CRPPA: variants seen among roughly 807,000 people sequenced by gnomAD.
The protein encoded by CRPPA is D-ribitol-5-phosphate cytidylyltransferase.
CRPPA carries 43 observed loss-of-function variants against 52.0 expected under a neutral mutation model. The ratio of observed to expected loss-of-function variants is 0.83; its 90% CI spans 0.65 to 1.07. The LOEUF is 1.07. Ranked by LOEUF, CRPPA falls within the 50% of genes least tolerant of loss-of-function variation. The pLI, the probability that CRPPA is intolerant of heterozygous loss-of-function variation, is 0.00. For synonymous variants in CRPPA, 250 were observed against 203.5 expected (o/e 1.23, Z -1.94); for missense variants, 629 against 551.7 (o/e 1.14, Z -1.40).
intron 8 of CRPPA, among the ~76,000 whole-genome samples, chr7:16,234,318 T>C (rs896520508): frequency 2.6e-5 from 4 of 152,112 alleles, no homozygotes; most frequent in African/African-American, 9.7e-5. Flanking sequence ...AGGTTAATAC[T>C]ACTGTTCAGG....
intron 8 of CRPPA, among the ~76,000 whole-genome samples, chr7:16,244,101 TA>T (rs1562581101): frequency 6.6e-6 from 1 of 152,226 alleles, no homozygotes; most frequent in Admixed American, 6.5e-5. Context: ...ACTATTTTAA[TA>T]AGTATCTTAG....
intron 6 of CRPPA, among the ~76,000 whole-genome samples, chr7:16,275,032 T>C (rs1464436962): frequency 6.6e-6 from 1 of 152,012 alleles, no homozygotes; most frequent in African/African-American, 2.4e-5. Context: ...GCTGAGACCA[T>C]GCCACTGCAC....
chr7:16,349,608 G>A (rs910742949), intron 3 of CRPPA, among the ~76,000 whole-genome samples: 5 of 151,930 alleles, frequency 3.3e-5, no homozygotes, highest in African/African-American at 1.2e-4. Flanking sequence ...AGAAATTAAA[G>A]GTGAAGAAAA....
At chr7:16,209,339 G>C (rs957152206) in intron 9 of CRPPA, 7 of 165,238 alleles carry the variant, frequency 4.2e-5, no homozygotes, top group African/African-American at 1.8e-4. Context: ...TGGCAATCTC[G>C]GCTCACTGCA....
intron 9 of CRPPA, among the ~76,000 whole-genome samples, chr7:16,183,493 G>C (rs1781450211): frequency 6.6e-6 from 1 of 152,164 alleles, no homozygotes; most frequent in South Asian, 2.1e-4. Flanking sequence ...CTGTTACCAG[G>C]ATTAGCATTT....
At chr7:16,241,106 C>A (rs773492386) in intron 8 of CRPPA, among the ~76,000 whole-genome samples, 1 of 152,052 alleles carries the variant, frequency 6.6e-6, no homozygotes, top group Non-Finnish European at 1.5e-5. Flanking sequence ...CACTGGTGAG[C>A]TTTGGAACAT....
At position 16,308,570 on chromosome 7, in the gene CRPPA, A is replaced by G; in HGVS notation, c.742T>C (p.Cys248Arg). Residue 248 changes from cysteine to arginine, a missense_variant, in exon 4 of 10, where the codon TGT (cysteine) becomes CGT (arginine). Coordinates refer to ENST00000407010, the MANE Select transcript of CRPPA (RefSeq NM_001101426.4). ...TCTACAAGTTTGGCTTTAGTGCAAC[A>G]GTATTTTAGGGCCAATTGCAAACAC... ...TECLQLALKY[C>R]CTKAKLVEGS... 3 of 1,611,576 alleles carry G rather than the reference A, an allele frequency of 1.9e-6. No individual in the cohort carries two copies. The highest frequency in any genetic ancestry group is 2.5e-6 in the Non-Finnish European group (3 of 1,178,698).
At position 16,376,258 on chromosome 7, in the gene CRPPA, C is replaced by G; in HGVS notation, c.535-17G>C. The G allele has an allele frequency of 6.3e-7, 1 of 1,583,144 alleles. No individual in the cohort carries two copies. Among genetic ancestry groups the G allele is most frequent in the Non-Finnish European group, 8.6e-7 (1 of 1,166,352 alleles). On this transcript the variant is annotated splice_polypyrimidine_tract_variant and intron_variant, in intron 2 of 9. Coordinates refer to ENST00000407010, the MANE Select transcript of CRPPA (RefSeq NM_001101426.4). ...TCCTGCTGCCTGAAGAACAAAGAGG[C>G]AAAGAATATATTTCACCTACAAGCC...
chr7:16,233,760 C>T (rs1227093993), intron 8 of CRPPA, among the ~76,000 whole-genome samples: 2 of 152,136 alleles, frequency 1.3e-5, no homozygotes, highest in Non-Finnish European at 2.9e-5. Context: ...ATACTTATCC[C>T]AGTCTTCACA....
intron 9 of CRPPA, among the ~76,000 whole-genome samples, chr7:16,198,477 A>C (rs1469526861): frequency 8.7e-6 from 1 of 115,180 alleles, no homozygotes; most frequent in African/African-American, 3.6e-5. Context: ...TGTGACCCTG[A>C]CACATCCCCC....
chr7:16,286,071 ATATATATAT>A (rs1784435356), intron 5 of CRPPA, among the ~76,000 whole-genome samples: 3 of 31,970 alleles, frequency 9.4e-5, no homozygotes, highest in Admixed American at 4.1e-4. Context: ...ATATATATAT[ATATATATAT>A]AATATTTAAA....
chr7:16,366,733 T>C (rs1426821362), intron 3 of CRPPA, among the ~76,000 whole-genome samples: 1 of 144,820 alleles, frequency 6.9e-6, no homozygotes, highest in South Asian at 2.2e-4. Context: ...GACATGACTA[T>C]ATGAACCTAC....
At chr7:16,248,968 T>C (rs1358319722) in intron 8 of CRPPA, among the ~76,000 whole-genome samples, 3 of 152,140 alleles carry the variant, frequency 2.0e-5, no homozygotes, top group Non-Finnish European at 4.4e-5. Flanking sequence ...CTAAGATCTA[T>C]TGGCTTGAAA....
At chr7:16,192,753 AG>A (rs1437599928) in intron 9 of CRPPA, among the ~76,000 whole-genome samples, 7 of 152,274 alleles carry the variant, frequency 4.6e-5, no homozygotes, top group African/African-American at 1.7e-4. Flanking sequence ...ATTAGGTGAT[AG>A]GTAGAGATGG....
chr7:16,385,877 G>A (rs1182115401), intron 2 of CRPPA, among the ~76,000 whole-genome samples: 1 of 152,168 alleles, frequency 6.6e-6, no homozygotes, highest in Non-Finnish European at 1.5e-5. Context: ...ATGGGCAGGT[G>A]CAGTAGCCAG....
intron 9 of CRPPA, 87 bp from the exon 10 acceptor site, chr7:16,091,886 C>G (rs1192371460): frequency 2.8e-6 from 2 of 725,206 alleles, no homozygotes; most frequent in East Asian, 6.3e-5. Context: ...TCAAGATCTG[C>G]TGCGGTCTGG....
At chr7:16,355,555 T>C (rs765000046) in intron 3 of CRPPA, among the ~76,000 whole-genome samples, 1 of 152,210 alleles carries the variant, frequency 6.6e-6, no homozygotes, top group Non-Finnish European at 1.5e-5. Flanking sequence ...CCCAGCCCTT[T>C]ACTTGTTTCT....
chr7:16,378,199 C>T (rs896536643), intron 2 of CRPPA, among the ~76,000 whole-genome samples: 5 of 151,224 alleles, frequency 3.3e-5, no homozygotes, highest in South Asian at 2.1e-4. Flanking sequence ...CATGCTGGTG[C>T]GCTGTACCCA....
chr7:16,256,453 C>T (rs925258246), intron 8 of CRPPA, among the ~76,000 whole-genome samples: 1 of 152,184 alleles, frequency 6.6e-6, no homozygotes, highest in Non-Finnish European at 1.5e-5. Flanking sequence ...ACAATAAAGA[C>T]ACATGCACAC....
Sources: allele counts gnomAD v4.1 joint callset (sites outside exome capture counted in the v4.1 genomes callset), GRCh38; gene constraint gnomAD v4.1.1; transcripts MANE v1.5; gene names NCBI Gene and HGNC (gene_info 2026-07-23, HGNC 2026-07-21).